Variants in DNAI1 observed in about 807,000 individuals in gnomAD.
The protein encoded by DNAI1 is dynein axonemal intermediate chain 1.
DNAI1 carries 67 observed loss-of-function variants against 92.0 expected under a neutral mutation model. That is an observed-to-expected ratio of 0.73 (90% CI 0.60 to 0.89). The LOEUF (loss-of-function observed/expected upper bound fraction) is 0.89. DNAI1 is among the 40% of genes least tolerant of loss of function. The pLI, the probability that DNAI1 is intolerant of heterozygous loss-of-function variation, is 0.00. For synonymous variants in DNAI1, 323 were observed against 319.6 expected, an observed-to-expected ratio of 1.01 and a Z score of -0.11; for missense variants, 839 against 866.6, an observed-to-expected ratio of 0.97 and a Z score of 0.40.
intron 9 of DNAI1, among the ~76,000 whole-genome samples, 183 bp from the exon 10 acceptor site, chr9:34,496,932 C>T (rs1018785154): frequency 2.6e-5 from 4 of 152,140 alleles, no homozygotes; most frequent in African/African-American, 9.7e-5. Context: ...GGTAGGAGTT[C>T]CTAGAAGAGG....
chr9:34,499,950 A>G (rs1188997460), intron 10 of DNAI1, among the ~76,000 whole-genome samples: 1 of 152,168 alleles, frequency 6.6e-6, no homozygotes, highest in Non-Finnish European at 1.5e-5. Flanking sequence ...AGGGTTGGAG[A>G]AGGAGTTACT....
chr9:34,491,755 G>GT lies in DNAI1; in HGVS notation c.681+202dup, dbSNP rs547688114. Among the ~76,000 whole-genome samples, 687 of 152,338 alleles carry GT rather than the reference G, an allele frequency of 4.5e-3. 4 individuals are homozygous for GT. Among genetic ancestry groups the GT allele is most frequent in the Non-Finnish European group, 7.9e-3 (538 of 68,034 alleles). On this transcript the variant is annotated intron_variant, in intron 8 of 19. Coordinates refer to ENST00000242317, the MANE Select transcript of DNAI1 (RefSeq NM_012144.4). ...ACAGTAGGTCCCTATCCAGTGAGCTGTGGGCCAGCCACGTGACTCAAGGGC... is the reference window on the plus strand; with the variant it reads ...ACAGTAGGTCCCTATCCAGTGAGCTGTTGGGCCAGCCACGTGACTCAAGGGC...
At chr9:34,460,898 T>G (rs1823940586) in intron 1 of DNAI1, among the ~76,000 whole-genome samples, 1 of 152,076 alleles carries the variant, frequency 6.6e-6, no homozygotes. Context: ...TGGAGTGCAG[T>G]GGTGTGATCT....
At chr9:34,510,737 C>A (rs1354384698) in intron 13 of DNAI1, among the ~76,000 whole-genome samples, 1 of 152,154 alleles carries the variant, frequency 6.6e-6, no homozygotes, top group Admixed American at 6.5e-5. Flanking sequence ...CTTCCCTTTG[C>A]AGCTCCCTAG....
At chr9:34,513,663 T>C (rs900473351) in intron 16 of DNAI1, among the ~76,000 whole-genome samples, 1 of 152,142 alleles carries the variant, frequency 6.6e-6, no homozygotes, top group Non-Finnish European at 1.5e-5. Context: ...CATCCAGAAA[T>C]AGCTCTGCTG....
chr9:34,482,731 G>A (rs1824388316), intron 1 of DNAI1, among the ~76,000 whole-genome samples: 3 of 152,278 alleles, frequency 2.0e-5, no homozygotes, highest in Admixed American at 2.0e-4. Flanking sequence ...GGCTGCAGGT[G>A]AAGCTGCCTG....
Position 34,520,909 on chromosome 9 carries a change from C to CTGGG in DNAI1, c.*153_*154insTGGG. On this transcript the variant is annotated 3_prime_UTR_variant, in exon 20 of 20. Transcript: ENST00000242317. Reference sequence around the variant, plus strand: ...CTTGTTCTGTTCCTTAAGGTCCCAGCACCTTACCCCAGGACTTGGTCTTCA... The same window carrying CTGGG: ...CTTGTTCTGTTCCTTAAGGTCCCAGCTGGGACCTTACCCCAGGACTTGGTCTTCA... 1 of 767,824 alleles carries CTGGG rather than the reference C, an allele frequency of 1.3e-6. No individual in the cohort carries two copies. Among genetic ancestry groups the CTGGG allele is most frequent in the Non-Finnish European group, 2.2e-6 (1 of 446,750 alleles). The allele number at this position is 767,824 out of a possible 1,614,324, so 47.6% of individuals were successfully genotyped here. A position where few individuals can be genotyped will look rare whatever the true frequency, so the allele number is the denominator to read the frequency against.
chr9:34,506,373 T>C (rs886180319), intron 12 of DNAI1, among the ~76,000 whole-genome samples: 4 of 152,142 alleles, frequency 2.6e-5, no homozygotes, highest in Admixed American at 2.6e-4. Flanking sequence ...TCCTGCACCT[T>C]GGGGAGAATT....
chr9:34,517,834 TTGAC>T (rs1157279776), intron 19 of DNAI1, among the ~76,000 whole-genome samples: 1 of 152,164 alleles, frequency 6.6e-6, no homozygotes, highest in East Asian at 1.9e-4. Flanking sequence ...CACTGCCTCA[TTGAC>T]TGGGCTTTCA....
chr9:34,496,599 G>A (rs1232869756), intron 9 of DNAI1, among the ~76,000 whole-genome samples: 1 of 152,204 alleles, frequency 6.6e-6, no homozygotes, highest in Non-Finnish European at 1.5e-5. Flanking sequence ...TGTACTCCAT[G>A]TATGTAAGCA....
rs371157271 is a variant in DNAI1 at position 34,489,313 on chromosome 9, C to G, written c.262-10C>G. Reference sequence around the variant, plus strand: ...GGATCCCTGGTCTGACTCAGCCCCTCTCTTCTTAGGAAGGCACATATAAGC... The same window carrying G: ...GGATCCCTGGTCTGACTCAGCCCCTGTCTTCTTAGGAAGGCACATATAAGC... On this transcript the variant is annotated splice_polypyrimidine_tract_variant and intron_variant, in intron 4 of 19. Transcript: ENST00000242317. 27 of 1,613,796 alleles carry G rather than the reference C, an allele frequency of 1.7e-5. No homozygotes were observed. The African/African-American group carries it at 3.2e-4, about 19-fold the overall frequency.
intron 1 of DNAI1, among the ~76,000 whole-genome samples, chr9:34,459,432 CTT>C (rs1823897273): frequency 6.6e-6 from 1 of 150,974 alleles, no homozygotes; most frequent in African/African-American, 2.4e-5. Flanking sequence ...TTTTCTTTTT[CTT>C]TTTCTTTCTT....
intron 9 of DNAI1, 136 bp from the exon 10 acceptor site, chr9:34,496,979 A>G: frequency 1.3e-6 from 1 of 757,980 alleles, no homozygotes; most frequent in South Asian, 1.4e-5. Context: ...CATGCAGAGA[A>G]ACCTTTACAG....
At chr9:34,483,307 G>T in intron 1 of DNAI1, 141 bp from the exon 2 acceptor site, 6 of 782,264 alleles carry the variant, frequency 7.7e-6, no homozygotes, top group Non-Finnish European at 1.1e-5. Flanking sequence ...AGCAAGCGAG[G>T]GCTCTGAGGA....
intron 18 of DNAI1, 58 bp from the exon 19 acceptor site, chr9:34,517,227 C>G (rs1825185432): frequency 6.3e-7 from 1 of 1,581,138 alleles, no homozygotes; most frequent in Admixed American, 1.7e-5. Flanking sequence ...ACTCATTCCT[C>G]TGAGGTGGAA....
intron 15 of DNAI1, 86 bp from the exon 16 acceptor site, chr9:34,513,026 G>A (rs1311199417): frequency 1.9e-6 from 2 of 1,080,270 alleles, no homozygotes; most frequent in African/African-American, 3.1e-5. Context: ...AGAGTGCCTG[G>A]GCTGAGCTCC....
chr9:34,488,499 T>G (rs1196218669), intron 4 of DNAI1: 2 of 153,094 alleles, frequency 1.3e-5, no homozygotes, highest in Non-Finnish European at 2.9e-5. Flanking sequence ...GAGTTTACCG[T>G]AGTGTGCCAT....
chr9:34,483,526 GT>G (rs772676104), intron 2 of DNAI1, 46 bp downstream of exon 2: 49 of 1,547,024 alleles, frequency 3.2e-5, no homozygotes, highest in African/African-American at 5.5e-5. Flanking sequence ...TGCTAATAGT[GT>G]TTTTTTTGTT....
intron 1 of DNAI1, among the ~76,000 whole-genome samples, chr9:34,478,075 T>C (rs1164199099): frequency 1.3e-5 from 2 of 151,862 alleles, no homozygotes; most frequent in Non-Finnish European, 2.9e-5. Flanking sequence ...TTAGTAGAGA[T>C]AGGGTTTCAC....
Sources: allele counts gnomAD v4.1 joint callset (sites outside exome capture counted in the v4.1 genomes callset), GRCh38; gene constraint gnomAD v4.1.1; transcripts MANE v1.5; gene names NCBI Gene and HGNC (gene_info 2026-07-23, HGNC 2026-07-21).